Variants in SLC8A3 observed in about 807,000 individuals in gnomAD.
SLC8A3 encodes sodium/calcium exchanger 3.
SLC8A3 carries 37 observed loss-of-function variants against 65.4 expected under a neutral mutation model. The ratio of observed to expected loss-of-function variants is 0.57; its 90% confidence interval spans 0.44 to 0.74. The LOEUF (loss-of-function observed/expected upper bound fraction) is 0.74, where lower values mean the gene tolerates loss of function less well. Ranked by LOEUF, SLC8A3 falls within the 30% of genes least tolerant of loss-of-function variation. The pLI, the probability that SLC8A3 is intolerant of heterozygous loss-of-function variation, is 0.00. For synonymous variants in SLC8A3, 461 were observed against 444.5 expected (o/e 1.04, Z -0.47); for missense variants, 1,112 against 1,172.1 (o/e 0.95, Z 0.75).
chr14:70,129,173 C>G (rs1161475235), intron 2 of SLC8A3, among the ~76,000 whole-genome samples: 2 of 152,184 alleles, frequency 1.3e-5, no homozygotes, highest in Non-Finnish European at 2.9e-5. Context: ...AAAAGCCACA[C>G]CCAATGCCTG....
At chr14:70,134,453 C>T (rs966419689) in intron 2 of SLC8A3, among the ~76,000 whole-genome samples, 11 of 152,070 alleles carry the variant, frequency 7.2e-5, no homozygotes, top group South Asian at 2.1e-4. Context: ...CAGGTTTGTC[C>T]GAACAAGGTA....
At chr14:70,128,659 T>G (rs1366127619) in intron 2 of SLC8A3, among the ~76,000 whole-genome samples, 2 of 152,164 alleles carry the variant, frequency 1.3e-5, no homozygotes, top group African/African-American at 2.4e-5. Context: ...AGAAGCAAAA[T>G]TATAAAAAAC....
Position 70,046,788 on chromosome 14 carries a change from G to A in SLC8A3, c.2390-465C>T, listed in dbSNP as rs1315200528. ...CTGATTGAGCACTGGGTGAGGTGCT[G>A]GATTTTGGGGACAGAGGACATGTTG... On this transcript the variant is annotated intron_variant, in intron 6 of 6. Coordinates refer to ENST00000356921, the MANE Select transcript of SLC8A3 (RefSeq NM_182932.3). The surrounding 1 kb of genome is among the most constrained non-coding windows in gnomAD (Gnocchi z 4.2). The A allele has an allele frequency of 6.3e-6, 1 of 157,556 alleles. No individual in the cohort carries two copies. The highest frequency in any genetic ancestry group is 2.4e-5 in the African/African-American group (1 of 41,478). The allele number at this position is 157,556 out of a possible 1,614,324, so 9.8% of individuals were successfully genotyped here.
chr14:70,077,252 G>A (rs1270262384), intron 2 of SLC8A3, among the ~76,000 whole-genome samples: 1 of 152,088 alleles, frequency 6.6e-6, no homozygotes, highest in African/African-American at 2.4e-5. Context: ...TCTGGTCTGC[G>A]GAAGAACTAC....
rs1417765474 is a variant in SLC8A3 at position 70,084,024 on chromosome 14, A to T, written c.1785-23085T>A. 2.6e-5 allele frequency among the ~76,000 whole-genome samples: 4 copies of T among 152,226 alleles called. No homozygotes were observed. In the East Asian group the frequency reaches 7.7e-4, roughly 29 times the overall value. ...GACTGACCACTTATAGCTGAATAAC[A>T]TTGGGAAAAGCACCTTTTTAAGCCT... On this transcript the variant is annotated intron_variant, in intron 2 of 6. Coordinates refer to ENST00000356921, the MANE Select transcript of SLC8A3 (RefSeq NM_182932.3).
intron 2 of SLC8A3, among the ~76,000 whole-genome samples, chr14:70,113,606 T>C (rs1255389273): frequency 6.6e-6 from 1 of 152,240 alleles, no homozygotes; most frequent in Non-Finnish European, 1.5e-5. Flanking sequence ...AAGATGCTAT[T>C]ATTTAGCCAT....
Position 70,187,639 on chromosome 14 carries a change from G to GTGTGTGTGTGTGTGTT in SLC8A3, c.-63+739_-63+740insAACACACACACACACA, listed in dbSNP as rs775352761. Among the ~76,000 whole-genome samples, 174 of 128,118 alleles carry GTGTGTGTGTGTGTGTT rather than the reference G, an allele frequency of 1.4e-3. 3 individuals carry two copies. Among genetic ancestry groups the GTGTGTGTGTGTGTGTT allele is most frequent in the African/African-American group, 2.0e-3 (64 of 31,564 alleles). 84.1% of individuals were successfully genotyped at this position (128,118 alleles called of 152,430 possible). ...TGTGTGTGTGTGTGTGTGTGTGTGT[G>GTGTGTGTGTGTGTGTT]TCCGCGCGCGCGTGTGTGTTGGGGG... On this transcript the variant is annotated intron_variant, in intron 1 of 6. Transcript: ENST00000356921.
rs1888737622 is a variant in SLC8A3 at position 70,060,959 on chromosome 14, G to C, written c.1785-20C>G. Reference sequence around the variant, plus strand: ...GTTTTCCTGTAGGGACAACAAGAGAGAGAGTGTGTCGACTGGGTCGGTAGA... The same window carrying C: ...GTTTTCCTGTAGGGACAACAAGAGACAGAGTGTGTCGACTGGGTCGGTAGA... On this transcript the variant is annotated intron_variant, in intron 2 of 6. Transcript: ENST00000356921. 1.7e-6 allele frequency: 2 copies of C among 1,160,708 alleles called. No homozygotes were observed. Among genetic ancestry groups the C allele is most frequent in the African/African-American group, 1.5e-5 (1 of 64,956 alleles). 71.9% of individuals were successfully genotyped at this position (1,160,708 alleles called of 1,614,324 possible).
intron 6 of SLC8A3, 45 bp downstream of exon 6, chr14:70,048,722 C>T: frequency 6.4e-7 from 1 of 1,562,664 alleles, no homozygotes; most frequent in Middle Eastern, 1.7e-4. Flanking sequence ...GTCATTTGAA[C>T]CAGGTAAAAT....
intron 2 of SLC8A3, among the ~76,000 whole-genome samples, chr14:70,093,447 G>A (rs1048162597): frequency 2.0e-5 from 3 of 152,166 alleles, no homozygotes; most frequent in Non-Finnish European, 4.4e-5. Context: ...TTCCCTATTT[G>A]CCAAGTGGAG....
intron 2 of SLC8A3, among the ~76,000 whole-genome samples, chr14:70,104,639 A>G (rs1023900013): frequency 5.3e-5 from 8 of 152,326 alleles, no homozygotes; most frequent in Middle Eastern, 3.4e-3. Context: ...TTAGAAATCA[A>G]TAATAGTAAG....
intron 1 of SLC8A3, among the ~76,000 whole-genome samples, chr14:70,183,674 G>A (rs1336778611): frequency 6.6e-6 from 1 of 152,234 alleles, no homozygotes; most frequent in Non-Finnish European, 1.5e-5. Context: ...TTTCCTAGAA[G>A]GGTATCTCTG....
intron 2 of SLC8A3, among the ~76,000 whole-genome samples, chr14:70,093,740 T>C (rs1193177811): frequency 1.3e-5 from 2 of 152,190 alleles, no homozygotes; most frequent in Non-Finnish European, 2.9e-5. Flanking sequence ...CTTGACTCAA[T>C]TGTCAAACAA....
At chr14:70,189,177 A>T (rs1883611338), upstream of SLC8A3, 1 of 152,146 alleles carries the variant, frequency 6.6e-6, no homozygotes, top group Non-Finnish European at 1.5e-5. Context: ...CGCATCCCGC[A>T]TCCCGCATCC....
intron 2 of SLC8A3, among the ~76,000 whole-genome samples, chr14:70,080,489 T>C (rs1449786411): frequency 1.8e-4 from 28 of 152,184 alleles, no homozygotes; most frequent in Non-Finnish European, 2.9e-5. Context: ...AACTGCTCGC[T>C]ACACTGGCCC....
intron 2 of SLC8A3, among the ~76,000 whole-genome samples, chr14:70,161,514 T>C (rs932861217): frequency 1.3e-5 from 2 of 152,100 alleles, no homozygotes; most frequent in Admixed American, 6.6e-5. Flanking sequence ...ACAGTTGTAG[T>C]GGCTGACTGT....
intron 2 of SLC8A3, among the ~76,000 whole-genome samples, chr14:70,078,662 A>C (rs1051236983): frequency 1.3e-5 from 2 of 152,200 alleles, no homozygotes; most frequent in African/African-American, 4.8e-5. Context: ...ACCAAGACAC[A>C]AGCACCCTCA....
intron 1 of SLC8A3, among the ~76,000 whole-genome samples, chr14:70,173,028 G>A (rs1395205785): frequency 1.3e-5 from 2 of 152,176 alleles, no homozygotes; most frequent in East Asian, 3.8e-4. Context: ...TGAGGCAGGA[G>A]GCCCAGTAGA....
At position 70,051,896 on chromosome 14, in the gene SLC8A3, T is replaced by A; in HGVS notation, c.2013+94A>T. The stretch of plus-strand genomic sequence containing the variant: ...TGATTTGTTCAGTTTCAACTTCACA[T>A]ATTCACTAGTGAAAGTGGAAAAAAA... On this transcript the variant is annotated intron_variant, in intron 4 of 6. Transcript: ENST00000356921. The A allele has an allele frequency of 2.0e-6, 2 of 1,009,736 alleles. 1 individual carries two copies. Among genetic ancestry groups the A allele is most frequent in the South Asian group, 2.9e-5 (2 of 67,980 alleles). The allele number at this position is 1,009,736 out of a possible 1,614,324, so 62.5% of individuals were successfully genotyped here.
Sources: gnomAD v4.1 joint callset for allele counts (sites outside exome capture counted in the v4.1 genomes callset) on GRCh38, gnomAD v4.1.1 for gene constraint, Gnocchi (gnomAD v3.1) non-coding constraint, MANE v1.5 for transcripts, NCBI Gene and HGNC (gene_info 2026-07-23, HGNC 2026-07-21) for gene names.